The following PIK3C2A variants were observed in gnomAD, a reference collection of about 807,000 sequenced individuals.
The protein encoded by PIK3C2A is phosphatidylinositol-4-phosphate 3-kinase catalytic subunit type 2 alpha, also known as phosphatidylinositol 4-phosphate 3-kinase C2 domain-containing subunit alpha.
In PIK3C2A, 97 loss-of-function variants were observed where a neutral mutation model predicts 204.5. That is an observed-to-expected ratio of 0.47 (90% confidence interval 0.40 to 0.56). The LOEUF is 0.56. PIK3C2A is among the 20% of genes least tolerant of loss of function. The pLI is 0.00. For synonymous variants in PIK3C2A, 653 were observed against 664.4 expected, an observed-to-expected ratio of 0.98 and a Z score of 0.26; for missense variants, 1,735 against 1,969.2, an observed-to-expected ratio of 0.88 and a Z score of 2.25.
At chr11:17,155,092 T>C (rs958848032) in intron 3 of PIK3C2A, among the ~76,000 whole-genome samples, 1 of 152,216 alleles carries the variant, frequency 6.6e-6, no homozygotes, top group Admixed American at 6.5e-5. Flanking sequence ...GAACATTCTA[T>C]AAATGTGTTT....
At chr11:17,096,843 C>G (rs763359566) in intron 27 of PIK3C2A, among the ~76,000 whole-genome samples, 2 of 152,206 alleles carry the variant, frequency 1.3e-5, no homozygotes, top group Non-Finnish European at 2.9e-5. Context: ...CACTTTACCA[C>G]TCGGTCCTTA....
intron 2 of PIK3C2A, among the ~76,000 whole-genome samples, 184 bp downstream of exon 2, chr11:17,168,493 A>G (rs1851045377): frequency 6.6e-6 from 1 of 152,138 alleles, no homozygotes; most frequent in African/African-American, 2.4e-5. Context: ...AGGCAGGAGA[A>G]GGGTGTGAAC....
intron 2 of PIK3C2A, 40 bp from the exon 3 acceptor site, chr11:17,155,669 T>C (rs750644059): frequency 1.7e-6 from 2 of 1,175,406 alleles, no homozygotes; most frequent in Non-Finnish European, 2.6e-6. Context: ...AAGTGGAAGA[T>C]CCACAAAATG....
chr11:17,199,241 G>T (rs1852278307), intron 1 of PIK3C2A, among the ~76,000 whole-genome samples: 1 of 152,176 alleles, frequency 6.6e-6, no homozygotes, highest in Non-Finnish European at 1.5e-5. Flanking sequence ...GGTGGCAAGG[G>T]TGTAGAAAAA....
intron 1 of PIK3C2A, among the ~76,000 whole-genome samples, chr11:17,170,783 C>G (rs1373942240): frequency 6.6e-6 from 1 of 152,078 alleles, no homozygotes; most frequent in Non-Finnish European, 1.5e-5. Context: ...AATATGGATT[C>G]TGGAGTCACA....
At position 17,155,599 on chromosome 11, in the gene PIK3C2A, T is replaced by C. The variant is rs370682998; in HGVS notation, c.1096A>G (p.Thr366Ala). ...KDPNGTSSLP[T>A]GSSLLQEVEV... is the part of the protein sequence containing the mutation. Reference sequence around the variant, plus strand: ...ACTTCTTGAAGAAGAGAACTTCCAGTTGGCAAACTACTGGTCCCATTTGGG... The same window carrying C: ...ACTTCTTGAAGAAGAGAACTTCCAGCTGGCAAACTACTGGTCCCATTTGGG... Residue 366 changes from threonine to alanine, a missense_variant, in exon 3 of 33, where the codon ACT (threonine) becomes GCT (alanine). Thr to Ala is a moderately conservative substitution (Grantham distance 58, BLOSUM62 0). Coordinates refer to ENST00000691414, the MANE Select transcript of PIK3C2A (RefSeq NM_002645.4). 9 of 1,608,072 alleles carry C rather than the reference T, an allele frequency of 5.6e-6. No individual in the cohort carries two copies. Among genetic ancestry groups the C allele is most frequent in the South Asian group, 1.1e-5 (1 of 90,622 alleles).
chr11:17,130,535 T>C (rs1849659278), intron 12 of PIK3C2A, among the ~76,000 whole-genome samples: 1 of 152,222 alleles, frequency 6.6e-6, no homozygotes, highest in South Asian at 2.1e-4. Context: ...CCGGGCACAG[T>C]GGCTCACACC....
rs748155846 is a variant in PIK3C2A, at chr11:17,101,363, C to T, written c.3923G>A (p.Arg1308His). Residue 1308 changes from arginine (R) to histidine (H), a missense_variant, in exon 25 of 33, where the codon CGT becomes CAT. Arg to His is a conservative substitution (Grantham distance 29). This residue lies in a region of PIK3C2A where 503 missense variants were observed against 669.0 expected (regional missense o/e 0.75). Coordinates refer to ENST00000691414, the MANE Select transcript of PIK3C2A (RefSeq NM_002645.4). ...VINGGEKPTI[R>H]FQLFVDLCCQ... ...GCAGAGGTCCACAAACAACTGAAAA[C>T]GAATGGTGGGCTTTTCACCCCCATT... 74 of 1,599,026 alleles carry T rather than the reference C, an allele frequency of 4.6e-5. 1 individual carries two copies. The highest frequency in any genetic ancestry group is 3.3e-4 in the Middle Eastern group (2 of 5,992).
intron 1 of PIK3C2A, 105 bp from the exon 2 acceptor site, chr11:17,169,911 A>G: frequency 1.8e-6 from 1 of 569,484 alleles, no homozygotes; most frequent in South Asian, 2.5e-5. Flanking sequence ...ACTTAGAAAA[A>G]TATACTACAA....
At position 17,150,659 on chromosome 11, in the gene PIK3C2A, T is replaced by A. The variant is rs142880822; in HGVS notation, c.1170-4A>T. 1,055 of 1,574,306 alleles carry A rather than the reference T, an allele frequency of 6.7e-4. 2 individuals carry two copies. Among genetic ancestry groups the A allele is most frequent in the Admixed American group, 1.4e-3 (71 of 50,218 alleles). On this transcript the variant is annotated splice_polypyrimidine_tract_variant and splice_region_variant and intron_variant, in intron 3 of 32. Transcript: ENST00000691414. ...ATATGGAAATTTGGTCTTCAATCTG[T>A]TCACAAGAAAGAAGAAATTAAATTC...
chr11:17,157,612 T>C (rs893851705), intron 2 of PIK3C2A, among the ~76,000 whole-genome samples: 1 of 152,136 alleles, frequency 6.6e-6, no homozygotes, highest in Non-Finnish European at 1.5e-5. Flanking sequence ...TCTGCAGGAT[T>C]CTCAGTGTTT....
At chr11:17,174,593 C>CAA (rs71047532) in intron 1 of PIK3C2A, among the ~76,000 whole-genome samples, 615 of 35,576 alleles carry the variant, frequency 0.017, 124 homozygotes, top group Middle Eastern at 0.091. Flanking sequence ...GACTCCGTCT[C>CAA]AAAAAAAAAA....
chr11:17,142,952 G>A (rs958193179), intron 8 of PIK3C2A, among the ~76,000 whole-genome samples: 3 of 151,400 alleles, frequency 2.0e-5, no homozygotes, highest in Admixed American at 2.0e-4. Context: ...GGCAGGGGGC[G>A]GGGTGGGGAT....
chr11:17,154,902 G>A (rs551239598), intron 3 of PIK3C2A, among the ~76,000 whole-genome samples: 1 of 152,212 alleles, frequency 6.6e-6, no homozygotes, highest in African/African-American at 2.4e-5. Context: ...TCTAGCACTC[G>A]TAACAGAAGT....
chr11:17,099,720 C>A, intron 26 of PIK3C2A, 140 bp downstream of exon 26: 1 of 487,912 alleles, frequency 2.0e-6, no homozygotes, highest in Non-Finnish European at 3.6e-6. Flanking sequence ...CTTTTGACAG[C>A]CTACTATGTG....
intron 1 of PIK3C2A, among the ~76,000 whole-genome samples, chr11:17,183,877 T>G (rs1851653868): frequency 6.8e-6 from 1 of 147,318 alleles, no homozygotes; most frequent in African/African-American, 2.5e-5. Context: ...GGTCGAGGAG[T>G]GGGGTATGCT....
chr11:17,151,020 T>C (rs1590966356), intron 3 of PIK3C2A, among the ~76,000 whole-genome samples: 1 of 152,204 alleles, frequency 6.6e-6, no homozygotes, highest in African/African-American at 2.4e-5. Flanking sequence ...CTATAGGCAA[T>C]GTAGTCCTAA....
At chr11:17,124,161 C>T (rs934178174) in intron 13 of PIK3C2A, among the ~76,000 whole-genome samples, 5 of 152,062 alleles carry the variant, frequency 3.3e-5, no homozygotes, top group Admixed American at 6.6e-5. Flanking sequence ...GCCACCACAC[C>T]GGGCTATAGT....
chr11:17,134,799 C>T lies in PIK3C2A; in HGVS notation c.2108+20G>A. On this transcript the variant is annotated intron_variant, in intron 11 of 32. Coordinates refer to ENST00000691414, the MANE Select transcript of PIK3C2A (RefSeq NM_002645.4). ...TACAGGTGCAAGCCACCATGCCTGG[C>T]TGCTTAAACAGTTACTTACTTTGAT... is the stretch of plus-strand genomic sequence containing the variant. 6.4e-7 allele frequency: 1 copy of T among 1,560,732 alleles called. No homozygotes were observed. The highest frequency in any genetic ancestry group is 8.8e-7 in the Non-Finnish European group (1 of 1,131,394).
Sources: allele counts gnomAD v4.1 joint callset (sites outside exome capture counted in the v4.1 genomes callset), GRCh38; gene constraint gnomAD v4.1.1; regional missense constraint gnomAD v4.1.1; transcripts MANE v1.5; gene names NCBI Gene and HGNC (gene_info 2026-07-23, HGNC 2026-07-21).